WNT2: variants seen among roughly 807,000 people sequenced by gnomAD.
WNT2 encodes protein Wnt-2.
A neutral mutation model predicts 36.9 loss-of-function variants in WNT2; 12 were observed. The observed-to-expected ratio is 0.33, with a 90% confidence interval of 0.21 to 0.53. The LOEUF is 0.53. Ranked by LOEUF, WNT2 falls within the 20% of genes least tolerant of loss-of-function variation. The pLI is 0.95. For synonymous variants in WNT2, 163 were observed against 174.6 expected (o/e 0.93, Z 0.52); for missense variants, 379 against 473.1 (o/e 0.80, Z 1.84).
At chr7:117,278,477 A>G in intron 4 of WNT2, 93 bp from the exon 5 acceptor site, 1 of 1,257,368 alleles carries the variant, frequency 8.0e-7, no homozygotes, top group Admixed American at 2.2e-5. Flanking sequence ...CCTCCAGGAC[A>G]GAGCCCTGAC....
At chr7:117,293,759 G>T (rs73213803) in intron 4 of WNT2, among the ~76,000 whole-genome samples, 4 of 152,170 alleles carry the variant, frequency 2.6e-5, no homozygotes, top group African/African-American at 7.2e-5. Context: ...TGGGGGCCTC[G>T]GTGGTGTGCT....
At chr7:117,303,491 A>G (rs1051696420) in intron 3 of WNT2, among the ~76,000 whole-genome samples, 1 of 152,202 alleles carries the variant, frequency 6.6e-6, no homozygotes, top group South Asian at 2.1e-4. Flanking sequence ...ACACCAGAGC[A>G]ACAGGCTATA....
intron 3 of WNT2, among the ~76,000 whole-genome samples, chr7:117,313,272 A>T (rs1443120597): frequency 6.6e-6 from 1 of 152,210 alleles, no homozygotes; most frequent in Non-Finnish European, 1.5e-5. Flanking sequence ...GTTCATATTC[A>T]CTGACATCAT....
chr7:117,318,656 G>A (rs1307948910), intron 2 of WNT2, among the ~76,000 whole-genome samples: 7 of 152,134 alleles, frequency 4.6e-5, no homozygotes. Context: ...TCATTCCTCA[G>A]CCTCCCAAGT....
At chr7:117,308,203 G>T (rs1795048661) in intron 3 of WNT2, among the ~76,000 whole-genome samples, 1 of 152,140 alleles carries the variant, frequency 6.6e-6, no homozygotes, top group South Asian at 2.1e-4. Context: ...ATTAAAAATT[G>T]TGCAGCTGAT....
At chr7:117,292,623 T>C (rs560645126) in intron 4 of WNT2, among the ~76,000 whole-genome samples, 15 of 152,218 alleles carry the variant, frequency 9.9e-5, no homozygotes, top group Non-Finnish European at 2.2e-4. Context: ...ACTAGCCTAG[T>C]AGCGTTACTT....
chr7:117,283,173 A>G (rs1328450271), intron 4 of WNT2, among the ~76,000 whole-genome samples: 1 of 152,152 alleles, frequency 6.6e-6, no homozygotes, highest in Non-Finnish European at 1.5e-5. Context: ...CTCAGGAGAG[A>G]GGTGGGCATG....
At chr7:117,283,983 T>C (rs1260016003) in intron 4 of WNT2, among the ~76,000 whole-genome samples, 2 of 152,014 alleles carry the variant, frequency 1.3e-5, no homozygotes, top group Non-Finnish European at 2.9e-5. Flanking sequence ...CACCAAGGAA[T>C]GGGCCAACTG....
chr7:117,313,680 C>T (rs762509591), intron 3 of WNT2, among the ~76,000 whole-genome samples: 9 of 152,196 alleles, frequency 5.9e-5, no homozygotes, highest in Non-Finnish European at 1.0e-4. Context: ...ATCAAAGTCA[C>T]CACACTTTAT....
chr7:117,277,876 C>A lies in WNT2; in HGVS notation c.*279G>T. On this transcript the variant is annotated 3_prime_UTR_variant, in exon 5 of 5. Coordinates refer to ENST00000265441, the MANE Select transcript of WNT2 (RefSeq NM_003391.3). ...GAGACAGTGGTCTGGGCCCACCACC[C>A]TCCCGGCTGAACAGCCTGTCATGCT... The A allele has an allele frequency of 2.2e-6, 1 of 457,064 alleles. No homozygotes were observed. The highest frequency in any genetic ancestry group is 2.0e-5 in the African/African-American group (1 of 51,098). 28.3% of individuals were successfully genotyped at this position (457,064 alleles called of 1,614,324 possible).
intron 3 of WNT2, among the ~76,000 whole-genome samples, chr7:117,299,162 C>A (rs1345059300): frequency 6.6e-6 from 1 of 152,144 alleles, no homozygotes; most frequent in African/African-American, 2.4e-5. Context: ...GCCCCATGTG[C>A]CCCACCCCCA....
chr7:117,278,525 T>G, intron 4 of WNT2, 141 bp from the exon 5 acceptor site: 1 of 800,528 alleles, frequency 1.2e-6, no homozygotes, highest in Non-Finnish European at 1.9e-6. Context: ...ATACTCGTTC[T>G]GTGGGCCCAT....
At chr7:117,289,259 C>T (rs1257560181) in intron 4 of WNT2, among the ~76,000 whole-genome samples, 3 of 151,878 alleles carry the variant, frequency 2.0e-5, no homozygotes, top group East Asian at 3.9e-4. Context: ...GGGGTTTCCC[C>T]GTGTTAGCCA....
chr7:117,320,450 G>T, intron 2 of WNT2, 117 bp downstream of exon 2: 1 of 1,072,558 alleles, frequency 9.3e-7, no homozygotes, highest in Non-Finnish European at 1.4e-6. Context: ...ACGCCCAACT[G>T]AACAAACTTC....
chr7:117,320,101 C>T (rs1795296048), intron 2 of WNT2, among the ~76,000 whole-genome samples: 5 of 152,308 alleles, frequency 3.3e-5, no homozygotes, highest in African/African-American at 1.2e-4. Flanking sequence ...AGAGATTTGT[C>T]TCTGCTTCTT....
Position 117,297,775 on chromosome 7 carries a change from C to G in WNT2, c.690G>C (p.Thr230=), listed in dbSNP as rs756215290. Residue 230 remains threonine, a synonymous_variant, in exon 4 of 5, where the codon ACG becomes ACC. Coordinates refer to ENST00000265441, the MANE Select transcript of WNT2 (RefSeq NM_003391.3). ...TGTACTTCCTCCAGAGATAATCGCC[C>G]GTTTTCCTGAAGTCGGCCATGGCCA... ...CWLAMADFRK[T]GDYLWRKYNG... 1.1e-5 allele frequency: 17 copies of G among 1,614,114 alleles called. No homozygotes were observed. The highest frequency in any genetic ancestry group is 1.4e-5 in the Non-Finnish European group (16 of 1,180,018).
intron 3 of WNT2, among the ~76,000 whole-genome samples, chr7:117,311,252 GAC>G (rs936928090): frequency 2.0e-4 from 30 of 152,214 alleles, no homozygotes; most frequent in African/African-American, 7.2e-4. Flanking sequence ...AATGTGTGAA[GAC>G]ACACACAAAG....
chr7:117,306,812 G>C (rs908379226), intron 3 of WNT2, among the ~76,000 whole-genome samples: 12 of 152,100 alleles, frequency 7.9e-5, no homozygotes, highest in African/African-American at 2.9e-4. Flanking sequence ...TGCTAAAAAA[G>C]TAGTTTTTTG....
chr7:117,297,487 G>GA (rs1468677280), intron 4 of WNT2, 125 bp downstream of exon 4: 4 of 1,272,176 alleles, frequency 3.1e-6, no homozygotes, highest in Non-Finnish European at 4.3e-6. Context: ...GTTTCAATAA[G>GA]AATGATAAGG....
Sources: allele counts gnomAD v4.1 joint callset (sites outside exome capture counted in the v4.1 genomes callset), GRCh38; gene constraint gnomAD v4.1.1; transcripts MANE v1.5; gene names NCBI Gene and HGNC (gene_info 2026-07-23, HGNC 2026-07-21).